Variants in SLC44A3 observed in about 807,000 individuals in gnomAD.
The protein encoded by SLC44A3 is solute carrier family 44 member 3.
A neutral mutation model predicts 75.4 loss-of-function variants in SLC44A3; 74 were observed. That is an observed-to-expected ratio of 0.98 (90% CI 0.81 to 1.19). The LOEUF is 1.19. Among genes scored for constraint, SLC44A3 ranks in the 50% most tolerant of loss-of-function variants. The probability of loss-of-function intolerance (pLI) is 0.00; values close to 1 mark genes in which losing one functional copy is unlikely to be tolerated. For missense variants in SLC44A3, 700 were observed against 778.6 expected (o/e 0.90, Z 1.20); for synonymous variants, 310 against 296.9 (o/e 1.04, Z -0.45).
intron 2 of SLC44A3, 36 bp from the exon 3 acceptor site, chr1:94,824,457 T>C (rs751060796): frequency 2.6e-6 from 4 of 1,559,762 alleles, no homozygotes; most frequent in Non-Finnish European, 3.5e-6. Flanking sequence ...CGCTCAGCCC[T>C]TTGGCCAGGC....
rs755823364 is a variant in SLC44A3, at chr1:94,824,482, G to A, written c.136-11G>A. The stretch of plus-strand genomic sequence containing the variant: ...TTTGGCCAGGCTCTCATATGCCCCC[G>A]TTTTTGCCAGGTGTTTATCATGGGC... On this transcript the variant is annotated splice_polypyrimidine_tract_variant and intron_variant, in intron 2 of 14. Coordinates refer to ENST00000271227, the MANE Select transcript of SLC44A3 (RefSeq NM_001114106.3). 2.1e-5 allele frequency: 33 copies of A among 1,587,976 alleles called. No individual in the cohort carries two copies. Among genetic ancestry groups the A allele is most frequent in the Admixed American group, 7.5e-5 (4 of 53,182 alleles).
intron 9 of SLC44A3, among the ~76,000 whole-genome samples, chr1:94,853,852 CCT>C (rs2101200102): frequency 7.4e-6 from 1 of 135,240 alleles, no homozygotes; most frequent in South Asian, 2.6e-4. Flanking sequence ...CAGATGGTAT[CCT>C]CTCTCTGATT....
rs74719248 is a variant in SLC44A3 at position 94,873,958 on chromosome 1, G to A, written c.1482+6541G>A. Among the ~76,000 whole-genome samples, 134 of 152,310 alleles carry A rather than the reference G, an allele frequency of 8.8e-4. 2 individuals carry two copies. Among genetic ancestry groups the A allele is most frequent in the African/African-American group, 2.4e-3 (101 of 41,584 alleles). ...AGACAGCCATTCTTTCAGTGACAGC[G>A]GTGGTTCTGAATCCTCCACCCCTGC... On this transcript the variant is annotated intron_variant, in intron 12 of 14. Coordinates refer to ENST00000271227, the MANE Select transcript of SLC44A3 (RefSeq NM_001114106.3).
At chr1:94,893,843 C>A (rs1039397492) in intron 14 of SLC44A3, among the ~76,000 whole-genome samples, 3 of 151,624 alleles carry the variant, frequency 2.0e-5, no homozygotes, top group Admixed American at 2.0e-4. Flanking sequence ...ACCTGCAATC[C>A]CAGCACTTTG....
chr1:94,882,367 C>G (rs970200753), intron 12 of SLC44A3, among the ~76,000 whole-genome samples: 1 of 152,132 alleles, frequency 6.6e-6, no homozygotes. Context: ...CTAATAGGGA[C>G]GAGCCCATCT....
rs376610846 is a variant in SLC44A3 at position 94,861,017 on chromosome 1, G to A, written c.1238+3517G>A. Among the ~76,000 whole-genome samples, 9 of 152,246 alleles carry A rather than the reference G, an allele frequency of 5.9e-5. No individual in the cohort carries two copies. In the East Asian group the frequency reaches 1.2e-3, roughly 20 times the overall value. On this transcript the variant is annotated intron_variant, in intron 10 of 14. Transcript: ENST00000271227. ...GAACACGTTAAGAAAAGCATTACAC[G>A]TTGGTGAAGCGTTCGGTGAGGCCCA... is the stretch of plus-strand genomic sequence containing the variant.
At chr1:94,821,145 C>A in intron 2 of SLC44A3, 89 bp downstream of exon 2, 3 of 1,019,238 alleles carry the variant, frequency 2.9e-6, no homozygotes, top group African/African-American at 1.6e-5. Flanking sequence ...GTAGTTGGTG[C>A]TGCAGTGAGA....
intron 9 of SLC44A3, among the ~76,000 whole-genome samples, chr1:94,851,888 A>G (rs1665256842): frequency 6.6e-6 from 1 of 152,234 alleles, no homozygotes; most frequent in African/African-American, 2.4e-5. Context: ...ACTGCCTTCC[A>G]TAAGGAACTG....
Position 94,857,388 on chromosome 1 carries a change from A to T in SLC44A3, c.1126A>T (p.Ile376Phe). The T allele has an allele frequency of 6.2e-7, 1 of 1,613,706 alleles. No homozygotes were observed. The highest frequency in any genetic ancestry group is 8.5e-7 in the Non-Finnish European group (1 of 1,179,870). The change falls in exon 10 of 15, where the codon ATT becomes TTT. Residue 376 changes from isoleucine (I) to phenylalanine (F), a missense_variant. Ile to Phe is a conservative substitution (Grantham distance 21, BLOSUM62 0). Coordinates refer to ENST00000271227, the MANE Select transcript of SLC44A3 (RefSeq NM_001114106.3). Reference protein sequence around the residue: ...GQVEYKPLSGIRYMWSYHLIG... With the variant: ...GQVEYKPLSGFRYMWSYHLIG... ...AGTGGAATATAAGCCCCTTTCGGGC[A>T]TTCGGTACATGTGGTCGTACCATTT...
intron 7 of SLC44A3, among the ~76,000 whole-genome samples, chr1:94,840,866 A>C (rs1663534166): frequency 6.6e-6 from 1 of 152,202 alleles, no homozygotes; most frequent in African/African-American, 2.4e-5. Context: ...TGGATTGTGG[A>C]TCTCACCAGC....
At chr1:94,866,009 T>C (rs896274067) in intron 11 of SLC44A3, among the ~76,000 whole-genome samples, 4 of 152,216 alleles carry the variant, frequency 2.6e-5, no homozygotes, top group Non-Finnish European at 5.9e-5. Context: ...AATATTTTCT[T>C]GTATTTCTAT....
At chr1:94,833,626 C>T (rs1437494751) in intron 5 of SLC44A3, among the ~76,000 whole-genome samples, 5 of 152,154 alleles carry the variant, frequency 3.3e-5, no homozygotes, top group Admixed American at 6.5e-5. Flanking sequence ...CTGTTAAAGC[C>T]GCTCACCCTC....
Position 94,879,566 on chromosome 1 carries a change from G to A in SLC44A3, c.1483-11564G>A, listed in dbSNP as rs565922361. Among the ~76,000 whole-genome samples, 5 of 143,808 alleles carry A rather than the reference G, an allele frequency of 3.5e-5. No individual in the cohort carries two copies. The East Asian group carries it at 6.2e-4, about 18-fold the overall frequency. 94.3% of individuals were successfully genotyped at this position (143,808 alleles called of 152,430 possible). On this transcript the variant is annotated intron_variant, in intron 12 of 14. Transcript: ENST00000271227. ...AAAAAAAAAAAAAAAAAGGCTGGGC[G>A]CAGTGGTTCATGCCTGTAATCTCAG...
intron 9 of SLC44A3, among the ~76,000 whole-genome samples, chr1:94,848,528 C>T (rs1664756506): frequency 6.6e-6 from 1 of 152,154 alleles, no homozygotes; most frequent in East Asian, 1.9e-4. Flanking sequence ...TGCAGCTGGC[C>T]CAGCCAGGGG....
At chr1:94,848,073 AG>A (rs1306647249) in intron 9 of SLC44A3, among the ~76,000 whole-genome samples, 97 of 152,222 alleles carry the variant, frequency 6.4e-4, no homozygotes, top group African/African-American at 2.2e-3. Flanking sequence ...CTAAAAATAC[AG>A]AAAACTTAGC....
rs192756515 is a variant in SLC44A3, at chr1:94,847,743, C to T, written c.1072+2279C>T. Reference sequence around the variant, plus strand: ...TTCTGTCCCCCAGGCATCACAGTCCCCGTGTGATGTGGGTATTGTTATGTT... The same window carrying T: ...TTCTGTCCCCCAGGCATCACAGTCCTCGTGTGATGTGGGTATTGTTATGTT... On this transcript the variant is annotated intron_variant, in intron 9 of 14. Transcript: ENST00000271227. 1.4e-3 allele frequency among the ~76,000 whole-genome samples: 215 copies of T among 152,270 alleles called. 4 individuals are homozygous for T. In the East Asian group the frequency reaches 0.038, roughly 27 times the overall value.
Position 94,895,014 on chromosome 1 carries a change from A to T in SLC44A3, c.*92A>T, listed in dbSNP as rs759146228. The T allele has an allele frequency of 1.2e-5, 12 of 979,066 alleles. No individual in the cohort carries two copies. The African/African-American group carries it at 1.8e-4, about 15-fold the overall frequency. The allele number at this position is 979,066 out of a possible 1,614,324, so 60.6% of individuals were successfully genotyped here. A position where few individuals can be genotyped will look rare whatever the true frequency, so the allele number is the denominator to read the frequency against. ...GAGACCACTAGAGAAAAGTTAGTGA[A>T]TTTTTTTTTAAAAGACCTAATAAAC... is the stretch of plus-strand genomic sequence containing the variant. On this transcript the variant is annotated 3_prime_UTR_variant, in exon 15 of 15. Coordinates refer to ENST00000271227, the MANE Select transcript of SLC44A3 (RefSeq NM_001114106.3).
In SLC44A3 at chr1:94,891,286, A is replaced by G; in HGVS notation, c.1620+19A>G. On this transcript the variant is annotated intron_variant, in intron 13 of 14. Coordinates refer to ENST00000271227, the MANE Select transcript of SLC44A3 (RefSeq NM_001114106.3). Reference sequence around the variant, plus strand: ...AGGAAAGGTGAGATATCTTGACTAAATAAAGGAGCCTGGGATTCTGAAAAT... The same window carrying G: ...AGGAAAGGTGAGATATCTTGACTAAGTAAAGGAGCCTGGGATTCTGAAAAT... The G allele has an allele frequency of 2.5e-6, 4 of 1,581,566 alleles. No individual in the cohort carries two copies. Among genetic ancestry groups the G allele is most frequent in the Non-Finnish European group, 3.4e-6 (4 of 1,168,312 alleles).
chr1:94,840,656 T>C (rs1398780160), intron 7 of SLC44A3, among the ~76,000 whole-genome samples: 1 of 152,222 alleles, frequency 6.6e-6, no homozygotes. Context: ...CGTGATCCTG[T>C]ATCCATAACG....
Sources: gnomAD v4.1 joint callset for allele counts (sites outside exome capture counted in the v4.1 genomes callset) on GRCh38, gnomAD v4.1.1 for gene constraint, MANE v1.5 for transcripts, NCBI Gene and HGNC (gene_info 2026-07-23, HGNC 2026-07-21) for gene names.